NPAS3: variants seen among roughly 807,000 people sequenced by gnomAD.
NPAS3 encodes neuronal PAS domain-containing protein 3.
Under a neutral mutation model 73.1 loss-of-function variants are expected in NPAS3, and 14 were observed. The ratio of observed to expected loss-of-function variants is 0.19; its 90% CI spans 0.13 to 0.30. The LOEUF is 0.30. Among genes scored for constraint, NPAS3 ranks in the 10% least tolerant of loss-of-function variants. The probability of loss-of-function intolerance (pLI) is 1.00; values close to 1 mark genes in which losing one functional copy is unlikely to be tolerated. For missense variants in NPAS3, 1,096 were observed against 1,250.0 expected (o/e 0.88, Z 1.86); for synonymous variants, 620 against 541.5 (o/e 1.14, Z -2.01).
chr14:33,354,634 T>A (rs745360217), intron 3 of NPAS3, among the ~76,000 whole-genome samples: 1 of 152,188 alleles, frequency 6.6e-6, no homozygotes, highest in Non-Finnish European at 1.5e-5. Flanking sequence ...GATGGGCTTG[T>A]CCTAAAGACA....
chr14:33,354,329 C>A (rs1301632510), intron 3 of NPAS3, among the ~76,000 whole-genome samples: 1 of 152,146 alleles, frequency 6.6e-6, no homozygotes, highest in Admixed American at 6.5e-5. Context: ...ATCTTCAGGG[C>A]TCTCCCATGA....
chr14:33,177,821 G>A (rs1282136976), intron 2 of NPAS3, among the ~76,000 whole-genome samples: 2 of 152,158 alleles, frequency 1.3e-5, no homozygotes, highest in East Asian at 1.9e-4. Context: ...AGATGTATGG[G>A]TTTATTTCTG....
At chr14:33,469,786 C>T (rs1192423177) in intron 4 of NPAS3, among the ~76,000 whole-genome samples, 3 of 151,968 alleles carry the variant, frequency 2.0e-5, no homozygotes, top group Non-Finnish European at 2.9e-5. Flanking sequence ...TGGAAATGCA[C>T]GTGTGAAAGT....
At chr14:33,338,435 T>C (rs2140301884) in intron 3 of NPAS3, among the ~76,000 whole-genome samples, 1 of 152,308 alleles carries the variant, frequency 6.6e-6, no homozygotes. Context: ...TTTAGGTGTG[T>C]TTTGGTATAC....
intron 5 of NPAS3, among the ~76,000 whole-genome samples, chr14:33,654,400 T>C (rs2059085531): frequency 6.6e-6 from 1 of 152,180 alleles, no homozygotes. Context: ...GATTTGCCAG[T>C]GTTAACAAAG....
chr14:33,641,204 C>T (rs894432385), intron 5 of NPAS3, among the ~76,000 whole-genome samples: 2 of 152,062 alleles, frequency 1.3e-5, no homozygotes, highest in African/African-American at 4.8e-5. Context: ...AACTTCTTTC[C>T]ACGGAGCATG....
At chr14:33,328,928 G>C (rs1365361617) in intron 3 of NPAS3, among the ~76,000 whole-genome samples, 3 of 152,082 alleles carry the variant, frequency 2.0e-5, no homozygotes, top group African/African-American at 7.2e-5. Flanking sequence ...AGAATTGTTT[G>C]AGATATCTTA....
chr14:32,944,727 A>G (rs949923204), intron 1 of NPAS3, among the ~76,000 whole-genome samples: 14 of 152,220 alleles, frequency 9.2e-5, no homozygotes, highest in African/African-American at 3.1e-4. Context: ...TAAACAGGAC[A>G]TGGCTTAGTA....
intron 2 of NPAS3, among the ~76,000 whole-genome samples, chr14:33,197,036 A>G (rs1275082353): frequency 1.3e-5 from 2 of 152,250 alleles, no homozygotes; most frequent in African/African-American, 4.8e-5. Flanking sequence ...TTCCAAATGA[A>G]GGCTGTAATT....
chr14:33,166,552 C>G (rs1028591627), intron 2 of NPAS3, among the ~76,000 whole-genome samples: 1 of 152,130 alleles, frequency 6.6e-6, no homozygotes, highest in African/African-American at 2.4e-5. Flanking sequence ...TATCCTAGCC[C>G]AATGCCTTTC....
At chr14:32,982,165 C>T (rs571831822) in intron 1 of NPAS3, among the ~76,000 whole-genome samples, 14 of 152,200 alleles carry the variant, frequency 9.2e-5, no homozygotes, top group African/African-American at 1.4e-4. Context: ...GACTTCTTTA[C>T]GGCGTGATTT....
intron 5 of NPAS3, among the ~76,000 whole-genome samples, chr14:33,616,505 A>C (rs887485288): frequency 5.3e-5 from 8 of 152,108 alleles, no homozygotes; most frequent in African/African-American, 1.9e-4. Flanking sequence ...CAGCTGTCAG[A>C]CTCTGAAATC....
chr14:33,801,076 C>T (rs747538688), exon 12 of NPAS3: 3 of 1,592,406 alleles, frequency 1.9e-6, no homozygotes, highest in Admixed American at 1.7e-5. Context: ...ACGGCATCCA[C>T]GCGGCACAGA....
intron 2 of NPAS3, among the ~76,000 whole-genome samples, chr14:33,164,958 G>T (rs1466833419): frequency 1.3e-5 from 2 of 151,772 alleles, no homozygotes; most frequent in African/African-American, 2.4e-5. Flanking sequence ...GGACTTTTTG[G>T]TATAGAGTTA....
At chr14:33,760,038 T>A (rs909897213) in intron 7 of NPAS3, among the ~76,000 whole-genome samples, 1 of 152,160 alleles carries the variant, frequency 6.6e-6, no homozygotes, top group Non-Finnish European at 1.5e-5. Flanking sequence ...ATCTTAAGGG[T>A]GACCAAAACA....
At chr14:32,940,240 A>G (rs1372519412) in intron 1 of NPAS3, among the ~76,000 whole-genome samples, 5 of 152,224 alleles carry the variant, frequency 3.3e-5, no homozygotes, top group African/African-American at 1.2e-4. Context: ...TCAGTCGAGC[A>G]TGTCTATTTG....
At chr14:33,062,652 A>C (rs1213426283) in intron 2 of NPAS3, among the ~76,000 whole-genome samples, 1 of 152,214 alleles carries the variant, frequency 6.6e-6, no homozygotes, top group African/African-American at 2.4e-5. Flanking sequence ...TGTGCATGTG[A>C]CCTCTAGAAA....
chr14:33,753,418 A>G (rs1457550344), intron 7 of NPAS3, among the ~76,000 whole-genome samples: 1 of 152,030 alleles, frequency 6.6e-6, no homozygotes, highest in Non-Finnish European at 1.5e-5. Context: ...GAACATTCCC[A>G]AGCCTTTCAC....
chr14:33,668,649 C>G (rs2059524832), intron 5 of NPAS3, among the ~76,000 whole-genome samples: 1 of 152,108 alleles, frequency 6.6e-6, no homozygotes. Flanking sequence ...AACCCCGTCT[C>G]TACTAAAAAT....
Sources: gnomAD v4.1 joint callset for allele counts (sites outside exome capture counted in the v4.1 genomes callset) on GRCh38, gnomAD v4.1.1 for gene constraint, MANE v1.5 for transcripts, NCBI Gene and HGNC (gene_info 2026-07-23, HGNC 2026-07-21) for gene names.